The following BNC2 variants were observed in gnomAD, a reference collection of about 807,000 sequenced individuals.
BNC2 encodes basonuclin zinc finger protein 2.
BNC2 carries 20 observed loss-of-function variants against 76.3 expected under a neutral mutation model. That is an observed-to-expected ratio of 0.26 (90% confidence interval 0.18 to 0.38). The LOEUF is 0.38. BNC2 is among the 10% of genes least tolerant of loss of function. The probability of loss-of-function intolerance (pLI) is 1.00; values close to 1 mark genes in which losing one functional copy is unlikely to be tolerated. For synonymous variants in BNC2, 582 were observed against 514.8 expected, an observed-to-expected ratio of 1.13 and a Z score of -1.77; for missense variants, 1,382 against 1,399.8, an observed-to-expected ratio of 0.99 and a Z score of 0.20.
intron 1 of BNC2, among the ~76,000 whole-genome samples, chr9:16,870,045 A>G (rs902159389): frequency 2.6e-5 from 4 of 152,106 alleles, no homozygotes; most frequent in African/African-American, 4.8e-5. Flanking sequence ...TTCTCCGTAA[A>G]GCCTGCGGGA....
At chr9:16,503,258 T>C (rs574735501) in intron 5 of BNC2, among the ~76,000 whole-genome samples, 2 of 152,302 alleles carry the variant, frequency 1.3e-5, no homozygotes, top group Admixed American at 6.5e-5. Context: ...ACTCTGGGTA[T>C]AGCCAAGAAC....
chr9:16,461,927 A>C (rs1276387655), intron 5 of BNC2, among the ~76,000 whole-genome samples: 1 of 152,164 alleles, frequency 6.6e-6, no homozygotes, highest in Non-Finnish European at 1.5e-5. Context: ...TTTAGTATGA[A>C]AGTAAACAAA....
At position 16,862,416 on chromosome 9, in the gene BNC2, A is replaced by G. The variant is rs558398665; in HGVS notation, c.3+8230T>C. 6.6e-5 allele frequency among the ~76,000 whole-genome samples: 10 copies of G among 152,348 alleles called. No individual in the cohort carries two copies. In the South Asian group the frequency reaches 1.9e-3, roughly 28 times the overall value. On this transcript the variant is annotated intron_variant, in intron 1 of 6. Transcript: ENST00000380672. Reference sequence around the variant, plus strand: ...ATAAAATATGAAATGTACCATTTGGAAAGGCACTTAGAAATTACCAAACTC... The same window carrying G: ...ATAAAATATGAAATGTACCATTTGGGAAGGCACTTAGAAATTACCAAACTC...
intron 3 of BNC2, among the ~76,000 whole-genome samples, chr9:16,589,025 A>G (rs1473988988): frequency 2.0e-5 from 3 of 152,208 alleles, no homozygotes; most frequent in Non-Finnish European, 4.4e-5. Context: ...CATAAAGCAC[A>G]TATTCTGAAC....
intron 5 of BNC2, among the ~76,000 whole-genome samples, chr9:16,503,182 C>T (rs991738160): frequency 2.0e-5 from 3 of 152,014 alleles, no homozygotes; most frequent in Non-Finnish European, 4.4e-5. Flanking sequence ...TATGGTTTAC[C>T]ACCCTCCTCC....
At chr9:16,795,815 G>T (rs779533196) in intron 1 of BNC2, among the ~76,000 whole-genome samples, 1 of 152,122 alleles carries the variant, frequency 6.6e-6, no homozygotes, top group African/African-American at 2.4e-5. Flanking sequence ...AAACTAAAAC[G>T]TTTCCAAGTT....
chr9:16,538,073 A>T (rs1041677011), intron 5 of BNC2, among the ~76,000 whole-genome samples: 6 of 152,188 alleles, frequency 3.9e-5, no homozygotes, highest in Admixed American at 2.6e-4. Context: ...AGTTATCCTA[A>T]AATATGAACC....
intron 3 of BNC2, among the ~76,000 whole-genome samples, chr9:16,600,928 AT>A (rs576423179): frequency 9.9e-5 from 15 of 152,224 alleles, no homozygotes; most frequent in Non-Finnish European, 1.5e-4. Flanking sequence ...ATATGTGCTA[AT>A]AACGCCTTCA....
intron 3 of BNC2, among the ~76,000 whole-genome samples, chr9:16,668,283 T>C (rs923870669): frequency 3.3e-5 from 5 of 152,202 alleles, no homozygotes; most frequent in East Asian, 1.9e-4. Flanking sequence ...CTTCTTCTTA[T>C]GCATCTTTAC....
intron 3 of BNC2, among the ~76,000 whole-genome samples, chr9:16,703,202 C>T (rs1314037528): frequency 2.0e-5 from 3 of 152,086 alleles, no homozygotes; most frequent in African/African-American, 4.8e-5. Context: ...AAAAGTGCTT[C>T]TATCACTAGG....
At chr9:16,620,168 C>A (rs1713038199) in intron 3 of BNC2, among the ~76,000 whole-genome samples, 1 of 152,138 alleles carries the variant, frequency 6.6e-6, no homozygotes, top group South Asian at 2.1e-4. Flanking sequence ...TGAAAAAGGG[C>A]TACATTTGTA....
chr9:16,517,902 T>C (rs1817487720), intron 5 of BNC2, among the ~76,000 whole-genome samples: 1 of 152,080 alleles, frequency 6.6e-6, no homozygotes, highest in Admixed American at 6.6e-5. Flanking sequence ...ATACTTCAGA[T>C]GTGTAAACCA....
At chr9:16,455,657 T>G (rs1821432008) in intron 5 of BNC2, among the ~76,000 whole-genome samples, 1 of 152,054 alleles carries the variant, frequency 6.6e-6, no homozygotes, top group Non-Finnish European at 1.5e-5. Flanking sequence ...TGGGGCATGG[T>G]GGCACATGCC....
chr9:16,652,909 A>G (rs1163641335), intron 3 of BNC2, among the ~76,000 whole-genome samples: 1 of 152,182 alleles, frequency 6.6e-6, no homozygotes, highest in African/African-American at 2.4e-5. Flanking sequence ...TTGACACACC[A>G]AGCCCAACAG....
At chr9:16,636,757 T>C (rs1316127737) in intron 3 of BNC2, among the ~76,000 whole-genome samples, 1 of 152,156 alleles carries the variant, frequency 6.6e-6, no homozygotes, top group Non-Finnish European at 1.5e-5. Flanking sequence ...ATTTCTTCCT[T>C]TTTTAGCCAA....
intron 3 of BNC2, among the ~76,000 whole-genome samples, chr9:16,594,211 G>C (rs1820005949): frequency 6.6e-6 from 1 of 152,056 alleles, no homozygotes; most frequent in African/African-American, 2.4e-5. Flanking sequence ...TGTTTCAAAA[G>C]CACCTCCAAT....
chr9:16,844,558 C>T (rs1417848995), intron 1 of BNC2, among the ~76,000 whole-genome samples: 6 of 138,254 alleles, frequency 4.3e-5, no homozygotes, highest in African/African-American at 5.6e-5. Flanking sequence ...AGTGCAGTGG[C>T]GAGATCTCGG....
chr9:16,456,085 G>C (rs1821442309), intron 5 of BNC2, among the ~76,000 whole-genome samples: 1 of 152,028 alleles, frequency 6.6e-6, no homozygotes, highest in South Asian at 2.1e-4. Flanking sequence ...ATATCTATTA[G>C]AGGAAGAAAA....
intron 6 of BNC2, chr9:16,429,325 G>C (rs914153430): frequency 6.6e-6 from 1 of 152,218 alleles, no homozygotes; most frequent in Non-Finnish European, 1.5e-5. Flanking sequence ...GAATGTTAAC[G>C]TACATGTACA....
Sources: allele counts gnomAD v4.1 joint callset (sites outside exome capture counted in the v4.1 genomes callset), GRCh38; gene constraint gnomAD v4.1.1; transcripts MANE v1.5; gene names NCBI Gene and HGNC (gene_info 2026-07-23, HGNC 2026-07-21).